The following TDRD9 variants were observed in gnomAD, a reference collection of about 807,000 sequenced individuals.
The protein encoded by TDRD9 is tudor domain containing 9.
In TDRD9, 124 loss-of-function variants were observed where a neutral mutation model predicts 172.6. That is an observed-to-expected ratio of 0.72 (90% confidence interval 0.62 to 0.83). The LOEUF is 0.83. Ranked by LOEUF, TDRD9 falls within the 40% of genes least tolerant of loss-of-function variation. The pLI, the probability that TDRD9 is intolerant of heterozygous loss-of-function variation, is 0.00. For synonymous variants in TDRD9, 619 were observed against 617.1 expected (o/e 1.00, Z -0.05); for missense variants, 1,479 against 1,714.1 (o/e 0.86, Z 2.42).
chr14:104,000,415 G>A (rs1397979186), intron 13 of TDRD9, among the ~76,000 whole-genome samples: 1 of 151,360 alleles, frequency 6.6e-6, no homozygotes, highest in Non-Finnish European at 1.5e-5. Context: ...AGAGAAAAAA[G>A]GATATTAAAC....
At chr14:104,038,756 A>C (rs901062971) in intron 32 of TDRD9, among the ~76,000 whole-genome samples, 8 of 152,108 alleles carry the variant, frequency 5.3e-5, no homozygotes, top group Non-Finnish European at 1.0e-4. Flanking sequence ...AGCTCACTGC[A>C]ACCTCTGCCT....
chr14:104,041,673 C>T (rs1174994420), intron 33 of TDRD9, among the ~76,000 whole-genome samples: 1 of 152,176 alleles, frequency 6.6e-6, no homozygotes. Flanking sequence ...AAATCCAAAA[C>T]CTGACAGTAA....
In TDRD9 at chr14:104,010,032, G is replaced by A. The variant is rs546624713; in HGVS notation, c.2106+1566G>A. Among the ~76,000 whole-genome samples, 57 of 148,332 alleles carry A rather than the reference G, an allele frequency of 3.8e-4. 1 individual carries two copies. The highest frequency in any genetic ancestry group is 1.4e-3 in the African/African-American group (55 of 40,188). The stretch of plus-strand genomic sequence containing the variant: ...ACAGTCTCGGCTCACTGTAACCTCT[G>A]CCTCCCGGGTTCAAACAATTCTCCT... On this transcript the variant is annotated intron_variant, in intron 20 of 35. Coordinates refer to ENST00000409874, the MANE Select transcript of TDRD9 (RefSeq NM_153046.3).
chr14:103,993,545 C>T (rs1015148311), intron 9 of TDRD9, among the ~76,000 whole-genome samples: 3 of 152,180 alleles, frequency 2.0e-5, no homozygotes, highest in African/African-American at 4.8e-5. Context: ...TGTTCAAAAT[C>T]GAGTTGTCAG....
chr14:103,951,380 G>C (rs1408599315), intron 1 of TDRD9, among the ~76,000 whole-genome samples: 1 of 152,148 alleles, frequency 6.6e-6, no homozygotes, highest in African/African-American at 2.4e-5. Flanking sequence ...TGTGTCATTA[G>C]CTTTTTTATT....
In TDRD9 at chr14:103,965,383, G is replaced by A; in HGVS notation, c.471G>A (p.Thr157=). 1 of 1,551,642 alleles carries A rather than the reference G, an allele frequency of 6.4e-7. No homozygotes were observed. Among genetic ancestry groups the A allele is most frequent in the South Asian group, 1.2e-5 (1 of 84,050 alleles). The change falls in exon 4 of 36, where the codon ACG becomes ACA. Residue 157 remains threonine, a synonymous_variant. Transcript: ENST00000409874. ...SNSVVIIHGA[T]GSGKSTQLPQ... ...CCGTGGTGATTATCCATGGGGCCAC[G>A]GGAAGCGGTAAAAGCACTCAGCTCC... is the stretch of plus-strand genomic sequence containing the variant.
chr14:103,975,179 A>G (rs1229517007), intron 6 of TDRD9, among the ~76,000 whole-genome samples: 2 of 152,226 alleles, frequency 1.3e-5, no homozygotes, highest in African/African-American at 4.8e-5. Flanking sequence ...TCATTTGAAA[A>G]GGTACTCGAA....
At position 104,027,081 on chromosome 14, in the gene TDRD9, T is replaced by C. The variant is rs562759804; in HGVS notation, c.3282+142T>C. 3.2e-5 allele frequency: 27 copies of C among 845,390 alleles called. No homozygotes were observed. The African/African-American group carries it at 4.4e-4, about 14-fold the overall frequency. The allele number at this position is 845,390 out of a possible 1,614,324, so 52.4% of individuals were successfully genotyped here. On this transcript the variant is annotated intron_variant, in intron 28 of 35. Transcript: ENST00000409874. ...TGGTTTGCTGTACTTGTGTTAAGACTGGTGGCACCAATTTAAATGTCTTCT... is the reference window on the plus strand; with the variant it reads ...TGGTTTGCTGTACTTGTGTTAAGACCGGTGGCACCAATTTAAATGTCTTCT...
chr14:103,934,739 G>A (rs1294064209), intron 1 of TDRD9, among the ~76,000 whole-genome samples: 3 of 152,208 alleles, frequency 2.0e-5, no homozygotes, highest in Non-Finnish European at 1.5e-5. Flanking sequence ...CTGAGATGGC[G>A]CCACTGCACT....
chr14:103,950,827 T>C (rs2031835659), intron 1 of TDRD9, among the ~76,000 whole-genome samples: 1 of 152,220 alleles, frequency 6.6e-6, no homozygotes, highest in Admixed American at 6.5e-5. Context: ...CACACTTGTA[T>C]GTTTTATAAC....
At chr14:103,963,044 A>G in intron 2 of TDRD9, 35 bp from the exon 3 acceptor site, 3 of 1,266,566 alleles carry the variant, frequency 2.4e-6, no homozygotes, top group Non-Finnish European at 1.1e-6. Context: ...CAGATAAGAA[A>G]TGGCATTGTA....
At chr14:104,008,590 C>A in intron 20 of TDRD9, 124 bp downstream of exon 20, 1 of 648,174 alleles carries the variant, frequency 1.5e-6, no homozygotes, top group South Asian at 2.1e-5. Context: ...GTATTTCCTG[C>A]CTGTTTCCAG....
At chr14:104,020,417 A>G (rs1422942382) in intron 23 of TDRD9, among the ~76,000 whole-genome samples, 2 of 152,156 alleles carry the variant, frequency 1.3e-5, no homozygotes, top group African/African-American at 4.8e-5. Flanking sequence ...AAGTGAGAGG[A>G]GCCCAAGAGC....
At chr14:103,934,755 C>T (rs2152115426) in intron 1 of TDRD9, among the ~76,000 whole-genome samples, 1 of 152,362 alleles carries the variant, frequency 6.6e-6, no homozygotes. Flanking sequence ...GCACTCCAGC[C>T]TGGGCGACAG....
chr14:104,040,836 A>G (rs2035592361), intron 33 of TDRD9, among the ~76,000 whole-genome samples: 1 of 152,268 alleles, frequency 6.6e-6, no homozygotes, highest in Non-Finnish European at 1.5e-5. Flanking sequence ...TGAGGTGGCA[A>G]GGCAGACAGG....
At chr14:103,948,595 G>A (rs2152123483) in intron 1 of TDRD9, among the ~76,000 whole-genome samples, 1 of 152,246 alleles carries the variant, frequency 6.6e-6, no homozygotes, top group South Asian at 2.1e-4. Flanking sequence ...AGCAACCTGA[G>A]TGTCCATATC....
intron 28 of TDRD9, among the ~76,000 whole-genome samples, chr14:104,027,804 A>G (rs887132092): frequency 3.3e-5 from 5 of 152,044 alleles, no homozygotes; most frequent in African/African-American, 1.2e-4. Context: ...TATTCCTCCA[A>G]TCTAGCTGTA....
intron 2 of TDRD9, among the ~76,000 whole-genome samples, chr14:103,959,454 T>TTGTGTGTG (rs1566740472): frequency 4.8e-4 from 30 of 63,030 alleles, no homozygotes; most frequent in African/African-American, 1.7e-3. Context: ...GGTCAGGTTA[T>TTGTGTGTG]CGTGTGTGTG....
chr14:103,939,750 T>TTTTTTTTTG (rs1566724759), intron 1 of TDRD9: 10 of 48,504 alleles, frequency 2.1e-4, no homozygotes, highest in African/African-American at 5.8e-4. Flanking sequence ...AGTGTTTTTT[T>TTTTTTTTTG]TTTTTTTTTT....
Sources: gnomAD v4.1 joint callset for allele counts (sites outside exome capture counted in the v4.1 genomes callset) on GRCh38, gnomAD v4.1.1 for gene constraint, MANE v1.5 for transcripts, NCBI Gene and HGNC (gene_info 2026-07-23, HGNC 2026-07-21) for gene names.